Variants in IL1RAPL1 observed in about 807,000 individuals in gnomAD.
The protein encoded by IL1RAPL1 is interleukin-1 receptor accessory protein-like 1.
Under a neutral mutation model 48.4 loss-of-function variants are expected in IL1RAPL1, and 3 were observed. The ratio of observed to expected loss-of-function variants is 0.06; its 90% confidence interval spans 0.03 to 0.16. The LOEUF (loss-of-function observed/expected upper bound fraction) is 0.16. IL1RAPL1 is among the 10% of genes least tolerant of loss of function. The pLI, the probability that IL1RAPL1 is intolerant of heterozygous loss-of-function variation, is 1.00. For synonymous variants in IL1RAPL1, 185 were observed against 187.7 expected (o/e 0.99, Z 0.12); for missense variants, 349 against 530.6 (o/e 0.66, Z 3.36).
At chrX:29,134,268 A>T (rs1169584853) in intron 2 of IL1RAPL1, among the ~76,000 whole-genome samples, 1 of 111,636 alleles carries the variant, frequency 9.0e-6, no homozygotes, top group Non-Finnish European at 1.9e-5. Context: ...GTTAGAAACT[A>T]TAAAACTCTC....
chrX:28,768,505 A>G (rs1936266783), intron 1 of IL1RAPL1, among the ~76,000 whole-genome samples: 2 of 108,993 alleles, frequency 1.8e-5, no homozygotes, highest in African/African-American at 3.3e-5. Context: ...TGTATGAGAA[A>G]CTGGTCTTTT....
chrX:29,269,385 CGT>C (rs989977959), intron 2 of IL1RAPL1, among the ~76,000 whole-genome samples: 21 of 111,152 alleles, frequency 1.9e-4, no homozygotes, highest in African/African-American at 5.5e-4. Flanking sequence ...CAGCTTTTCA[CGT>C]AAGTACTTCA....
intron 6 of IL1RAPL1, among the ~76,000 whole-genome samples, chrX:29,908,530 G>GA (rs1462787092): frequency 9.1e-6 from 1 of 109,742 alleles, no homozygotes; most frequent in African/African-American, 3.3e-5. Flanking sequence ...CAAATATATT[G>GA]AAAAAAATGG....
chrX:28,798,992 G>A (rs1028250953), intron 2 of IL1RAPL1, among the ~76,000 whole-genome samples: 8 of 111,791 alleles, frequency 7.2e-5, no homozygotes, highest in African/African-American at 9.8e-5. Flanking sequence ...GGCTAAAGGC[G>A]TCTGTGTTCC....
chrX:28,916,988 C>T (rs982226925), intron 2 of IL1RAPL1, among the ~76,000 whole-genome samples: 2 of 112,000 alleles, frequency 1.8e-5, no homozygotes, highest in Non-Finnish European at 3.8e-5. Flanking sequence ...CTCTGAATCA[C>T]AGAGTATAAT....
At chrX:29,678,977 ACT>A (rs939714867) in intron 6 of IL1RAPL1, among the ~76,000 whole-genome samples, 14 of 110,695 alleles carry the variant, frequency 1.3e-4, no homozygotes, top group African/African-American at 4.6e-4. Flanking sequence ...CGACTTTCTC[ACT>A]CTCTGAGTGT....
intron 3 of IL1RAPL1, among the ~76,000 whole-genome samples, chrX:29,296,854 T>G (rs1932457677): frequency 8.9e-6 from 1 of 112,221 alleles, no homozygotes; most frequent in East Asian, 2.8e-4. Flanking sequence ...CTTTAAATCT[T>G]TGGTGAAGAA....
At chrX:29,669,782 G>T (rs1291240621) in intron 6 of IL1RAPL1, among the ~76,000 whole-genome samples, 11 of 111,631 alleles carry the variant, frequency 9.9e-5, no homozygotes. Context: ...GTTACAGATA[G>T]CATTGAAACA....
chrX:29,607,098 C>T (rs773279394), intron 5 of IL1RAPL1, among the ~76,000 whole-genome samples: 2 of 111,796 alleles, frequency 1.8e-5, no homozygotes, highest in Non-Finnish European at 3.8e-5. Context: ...CTAATTTTAT[C>T]ATGTAGAGGA....
intron 10 of IL1RAPL1, 135 bp downstream of exon 10, chrX:29,954,827 C>G: frequency 5.2e-6 from 3 of 579,944 alleles, no homozygotes; most frequent in Non-Finnish European, 8.5e-6. Flanking sequence ...AAAGAAACGT[C>G]TTTGTGTGTT....
chrX:28,643,634 CA>C lies in IL1RAPL1; in HGVS notation c.-25+55597del, dbSNP rs986284956. On this transcript the variant is annotated intron_variant, in intron 1 of 10. Transcript: ENST00000378993. ...CACTTTGTTGCTCCCACATCCCCCT[CA>C]AAAAAAAAACTTAATTAAAAGTAGC... Among the ~76,000 whole-genome samples, 11 of 103,673 alleles carry C rather than the reference CA, an allele frequency of 1.1e-4. No homozygotes were observed. The South Asian group carries it at 1.7e-3, about 16-fold the overall frequency. The allele number at this position is 103,673 out of a possible 115,157, so 90.0% of individuals were successfully genotyped here.
At chrX:29,196,030 T>G (rs2147530379) in intron 2 of IL1RAPL1, among the ~76,000 whole-genome samples, 1 of 112,361 alleles carries the variant, frequency 8.9e-6, no homozygotes, top group African/African-American at 3.2e-5. Context: ...TGAAGTTAGC[T>G]GCCAAAAAGT....
intron 2 of IL1RAPL1, among the ~76,000 whole-genome samples, chrX:29,140,938 A>G (rs776914025): frequency 1.8e-5 from 2 of 111,496 alleles, no homozygotes; most frequent in East Asian, 2.8e-4. Flanking sequence ...TTTTGAGAGG[A>G]CACAGTCAGA....
At chrX:28,837,533 A>G (rs1921252460) in intron 2 of IL1RAPL1, among the ~76,000 whole-genome samples, 1 of 109,726 alleles carries the variant, frequency 9.1e-6, no homozygotes, top group Admixed American at 9.8e-5. Context: ...TAGATGGGCA[A>G]TACCGTTCCT....
At chrX:29,175,422 A>G (rs1056117657) in intron 2 of IL1RAPL1, among the ~76,000 whole-genome samples, 13 of 112,266 alleles carry the variant, frequency 1.2e-4, no homozygotes, top group African/African-American at 4.2e-4. Context: ...CTTAGTAGCT[A>G]TAAGTAAAAG....
Position 29,720,472 on chromosome X carries a change from A to G in IL1RAPL1, c.778+51968A>G, listed in dbSNP as rs1427087841. Reference sequence around the variant, plus strand: ...TTTGCAGGAACATGGATGAAGCTGGAAACCATCATTCTCAGCAAACTAACA... The same window carrying G: ...TTTGCAGGAACATGGATGAAGCTGGGAACCATCATTCTCAGCAAACTAACA... On this transcript the variant is annotated intron_variant, in intron 6 of 10. Transcript: ENST00000378993. 4.5e-5 allele frequency among the ~76,000 whole-genome samples: 5 copies of G among 111,778 alleles called. No homozygotes were observed. The East Asian group carries it at 1.4e-3, about 31-fold the overall frequency.
chrX:29,911,338 T>C (rs1391767477), intron 6 of IL1RAPL1, among the ~76,000 whole-genome samples: 1 of 110,820 alleles, frequency 9.0e-6, no homozygotes, highest in African/African-American at 3.3e-5. Context: ...AAATGGGGAG[T>C]GGCTGCCACT....
intron 2 of IL1RAPL1, among the ~76,000 whole-genome samples, chrX:28,910,308 T>TAACAGTGAC (rs1467333865): frequency 9.0e-6 from 1 of 111,602 alleles, no homozygotes; most frequent in Non-Finnish European, 1.9e-5. Context: ...GTTATGATTT[T>TAACAGTGAC]AACAGTGACA....
intron 2 of IL1RAPL1, among the ~76,000 whole-genome samples, chrX:28,961,199 A>T (rs748465538): frequency 9.0e-6 from 1 of 110,590 alleles, no homozygotes; most frequent in African/African-American, 3.3e-5. Context: ...TCCTCATTTG[A>T]TACTGTTGTT....
Sources: gnomAD v4.1 joint callset for allele counts (sites outside exome capture counted in the v4.1 genomes callset) on GRCh38, gnomAD v4.1.1 for gene constraint, MANE v1.5 for transcripts, NCBI Gene and HGNC (gene_info 2026-07-23, HGNC 2026-07-21) for gene names.